TMEM123: variants seen among roughly 807,000 people sequenced by gnomAD.
The protein encoded by TMEM123 is transmembrane protein 123.
A neutral mutation model predicts 19.7 loss-of-function variants in TMEM123; 16 were observed. The ratio of observed to expected loss-of-function variants is 0.81; its 90% CI spans 0.55 to 1.23. The LOEUF (loss-of-function observed/expected upper bound fraction) is 1.23. Among genes scored for constraint, TMEM123 ranks in the 50% most tolerant of loss-of-function variants. The pLI is 0.00. For synonymous variants in TMEM123, 118 were observed against 99.4 expected (o/e 1.19, Z -1.12); for missense variants, 313 against 257.8 (o/e 1.21, Z -1.47).
chr11:102,442,670 AAC>A (rs2135864262), intron 2 of TMEM123, among the ~76,000 whole-genome samples: 1 of 152,344 alleles, frequency 6.6e-6, no homozygotes, highest in East Asian at 1.9e-4. Context: ...ACTCCCATTC[AAC>A]ACACTGTTGG....
chr11:102,409,426 A>G (rs896027001), intron 2 of TMEM123, among the ~76,000 whole-genome samples: 3 of 152,204 alleles, frequency 2.0e-5, no homozygotes, highest in African/African-American at 4.8e-5. Context: ...AATTCCAGAA[A>G]CATTCATTGC....
At chr11:102,421,557 GA>G (rs1952087364) in intron 2 of TMEM123, among the ~76,000 whole-genome samples, 1 of 151,656 alleles carries the variant, frequency 6.6e-6, no homozygotes, top group South Asian at 2.1e-4. Context: ...CAGCACAAAA[GA>G]AATCCCTAGA....
chr11:102,452,710 G>A lies in TMEM123; in HGVS notation c.-87C>T. The A allele has an allele frequency of 1.1e-5, 12 of 1,076,136 alleles. No individual in the cohort carries two copies. The highest frequency in any genetic ancestry group is 3.3e-5 in the African/African-American group (2 of 60,692). 66.7% of individuals were successfully genotyped at this position (1,076,136 alleles called of 1,614,324 possible). On this transcript the variant is annotated 5_prime_UTR_variant, in exon 1 of 5. Transcript: ENST00000398136. ...CGGCTCCTCTGCGCAGCCGGCGCCG[G>A]CTCCGCTTCCCCTTCGGCCGCGCAC...
chr11:102,407,730 G>A (rs537131372), intron 2 of TMEM123, among the ~76,000 whole-genome samples: 5 of 152,016 alleles, frequency 3.3e-5, no homozygotes, highest in African/African-American at 9.7e-5. Context: ...GCCACAAACC[G>A]CCAGAAGCCA....
rs1445144181 is a variant in TMEM123 at position 102,426,884 on chromosome 11, CAAAATCCACAACTGGCTATTCAGTTGATA to C, written c.157+21899_157+21927del. ...TCCCCCCCCCCCCCCATTTATTGCT[CAAAATCCACAACTGGCTATTCAGTTGATA>C]AAAAGTTTTGTGTCTGGGTATATAT... On this transcript the variant is annotated intron_variant, in intron 2 of 4. Transcript: ENST00000398136. 1.9e-3 allele frequency among the ~76,000 whole-genome samples: 222 copies of C among 116,790 alleles called. 1 individual carries two copies. Among genetic ancestry groups the C allele is most frequent in the African/African-American group, 6.9e-3 (211 of 30,462 alleles). The allele number at this position is 116,790 out of a possible 152,430, so 76.6% of individuals were successfully genotyped here. A position where few individuals can be genotyped will look rare whatever the true frequency, so the allele number is the denominator to read the frequency against.
At chr11:102,410,755 T>C (rs1378908839) in intron 2 of TMEM123, among the ~76,000 whole-genome samples, 2 of 151,984 alleles carry the variant, frequency 1.3e-5, no homozygotes, top group South Asian at 4.2e-4. Context: ...GCTAGGAGGC[T>C]CTGCACACAC....
intron 2 of TMEM123, among the ~76,000 whole-genome samples, chr11:102,445,493 G>A (rs1384552185): frequency 6.6e-6 from 1 of 152,188 alleles, no homozygotes; most frequent in East Asian, 1.9e-4. Context: ...CAAACTCACA[G>A]AAAGTTTCCA....
In TMEM123 at chr11:102,435,934, G is replaced by A. The variant is rs767814405; in HGVS notation, c.157+12878C>T. ...GGTTTCTTTTTGAGGTGATGAAACT[G>A]TTCGAAACTTGACTGTGGTGATGGT... On this transcript the variant is annotated intron_variant, in intron 2 of 4. Transcript: ENST00000398136. 2.1e-4 allele frequency among the ~76,000 whole-genome samples: 32 copies of A among 151,796 alleles called. 1 individual carries two copies. The highest frequency in any genetic ancestry group is 4.1e-4 in the Non-Finnish European group (28 of 67,854).
At chr11:102,427,062 T>C (rs1316481154) in intron 2 of TMEM123, among the ~76,000 whole-genome samples, 3 of 151,222 alleles carry the variant, frequency 2.0e-5, no homozygotes, top group Middle Eastern at 3.4e-3. Flanking sequence ...TTTTTTGTTT[T>C]GCGGGTTTTT....
chr11:102,438,021 C>A (rs1857782924), intron 2 of TMEM123, among the ~76,000 whole-genome samples: 1 of 152,080 alleles, frequency 6.6e-6, no homozygotes, highest in Admixed American at 6.6e-5. Flanking sequence ...CCTCTTTATG[C>A]ATGGAGGCAG....
chr11:102,418,482 C>T (rs1477917535), intron 2 of TMEM123, among the ~76,000 whole-genome samples: 2 of 152,002 alleles, frequency 1.3e-5, no homozygotes, highest in South Asian at 2.1e-4. Flanking sequence ...CATCTCACAC[C>T]AGTCAGAATG....
At position 102,396,930 on chromosome 11, in the gene TMEM123, T is replaced by G. The variant is rs551429936; in HGVS notation, c.*1937A>C. 5.3e-5 allele frequency: 8 copies of G among 152,330 alleles called. No individual in the cohort carries two copies. The highest frequency in any genetic ancestry group is 1.9e-4 in the East Asian group (1 of 5,190). 9.4% of individuals were successfully genotyped at this position (152,330 alleles called of 1,614,324 possible). A position where few individuals can be genotyped will look rare whatever the true frequency, so the allele number is the denominator to read the frequency against. ...TCGGTCTACGAAGTTCTGACTGACT[T>G]GAAGTAGTGAAATACCAAGAATGCA... On this transcript the variant is annotated 3_prime_UTR_variant, in exon 5 of 5. Coordinates refer to ENST00000398136, the MANE Select transcript of TMEM123 (RefSeq NM_052932.3).
intron 2 of TMEM123, among the ~76,000 whole-genome samples, chr11:102,425,348 C>T (rs1005769754): frequency 6.6e-6 from 1 of 152,304 alleles, no homozygotes; most frequent in Non-Finnish European, 1.5e-5. Context: ...GTTATGAACA[C>T]GAGCAGTATC....
rs983166088 is a variant in TMEM123, at chr11:102,432,867, T to C, written c.157+15945A>G. ...TGGCTAAAAGGGGTCAAAGTACAGC[T>C]CAGGCCATTGCTTCAGAGGGTGCAA... is the stretch of plus-strand genomic sequence containing the variant. On this transcript the variant is annotated intron_variant, in intron 2 of 4. Transcript: ENST00000398136. Among the ~76,000 whole-genome samples, 3 of 147,450 alleles carry C rather than the reference T, an allele frequency of 2.0e-5. No individual in the cohort carries two copies. The Admixed American group carries it at 2.0e-4, about 10-fold the overall frequency.
At chr11:102,415,914 TATTATCATC>T (rs1952041160) in intron 2 of TMEM123, among the ~76,000 whole-genome samples, 1 of 35,554 alleles carries the variant, frequency 2.8e-5, no homozygotes, top group Non-Finnish European at 6.4e-5. Flanking sequence ...TTATTATTAT[TATTATCATC>T]ATTATTTTTG....
At chr11:102,430,051 C>A (rs1365580886) in intron 2 of TMEM123, among the ~76,000 whole-genome samples, 1 of 152,202 alleles carries the variant, frequency 6.6e-6, no homozygotes, top group East Asian at 1.9e-4. Flanking sequence ...TTCCCCATGC[C>A]ACCTCTCCCA....
intron 2 of TMEM123, among the ~76,000 whole-genome samples, chr11:102,409,059 A>C (rs922560652): frequency 6.6e-6 from 1 of 152,230 alleles, no homozygotes; most frequent in African/African-American, 2.4e-5. Context: ...CTTTAACCTA[A>C]ATATCTCAAA....
At chr11:102,400,822 A>G (rs1277679436) in intron 4 of TMEM123, among the ~76,000 whole-genome samples, 1 of 152,228 alleles carries the variant, frequency 6.6e-6, no homozygotes, top group Non-Finnish European at 1.5e-5. Context: ...GAAGTGTGAG[A>G]ACTAAATGTC....
chr11:102,439,969 T>C (rs1436584979), intron 2 of TMEM123, among the ~76,000 whole-genome samples: 1 of 152,062 alleles, frequency 6.6e-6, no homozygotes, highest in Non-Finnish European at 1.5e-5. Context: ...ATCAAATGAA[T>C]GAAATGAAGC....
Sources: gnomAD v4.1 joint callset for allele counts (sites outside exome capture counted in the v4.1 genomes callset) on GRCh38, gnomAD v4.1.1 for gene constraint, MANE v1.5 for transcripts, NCBI Gene and HGNC (gene_info 2026-07-23, HGNC 2026-07-21) for gene names.